The following CYTH1 variants were observed in gnomAD, a reference collection of about 807,000 sequenced individuals.
The protein encoded by CYTH1 is cytohesin 1.
Under a neutral mutation model 61.8 loss-of-function variants are expected in CYTH1, and 18 were observed. That is an observed-to-expected ratio of 0.29 (90% CI 0.20 to 0.43). CYTH1 has a LOEUF of 0.43. CYTH1 is among the 20% of genes least tolerant of loss of function. CYTH1 has a pLI of 1.00. For synonymous variants in CYTH1, 174 were observed against 184.3 expected (o/e 0.94, Z 0.45); for missense variants, 336 against 510.5 (o/e 0.66, Z 3.29).
intron 1 of CYTH1, among the ~76,000 whole-genome samples, chr17:78,771,374 A>C (rs2093470714): frequency 1.3e-5 from 2 of 152,212 alleles, no homozygotes; most frequent in South Asian, 4.1e-4. Context: ...CAGGAGGCAG[A>C]GGTTGCAGTG....
chr17:78,680,855 G>GACT, intron 12 of CYTH1, 116 bp downstream of exon 12: 1 of 988,666 alleles, frequency 1.0e-6, no homozygotes, highest in South Asian at 1.4e-5. Flanking sequence ...TAAAAAATTA[G>GACT]ACTAAATAAA....
At chr17:78,742,940 C>CA (rs1324800695) in intron 1 of CYTH1, among the ~76,000 whole-genome samples, 1 of 152,198 alleles carries the variant, frequency 6.6e-6, no homozygotes, top group African/African-American at 2.4e-5. Flanking sequence ...ATTTAAAACA[C>CA]ACGCCAACTA....
chr17:78,675,787 T>C lies in CYTH1; in HGVS notation c.*304A>G. The C allele has an allele frequency of 8.1e-7, 1 of 1,236,722 alleles. No individual in the cohort carries two copies. Among genetic ancestry groups the C allele is most frequent in the Non-Finnish European group, 1.1e-6 (1 of 919,642 alleles). The allele number at this position is 1,236,722 out of a possible 1,614,324, so 76.6% of individuals were successfully genotyped here. Reference sequence around the variant, plus strand: ...AAGAGGTAAACAGTTGGCTCTGAGCTCTGCTACCAGAACACTGAGCAGAGA... The same window carrying C: ...AAGAGGTAAACAGTTGGCTCTGAGCCCTGCTACCAGAACACTGAGCAGAGA... On this transcript the variant is annotated 3_prime_UTR_variant, in exon 14 of 14. Transcript: ENST00000446868.
intron 13 of CYTH1, chr17:78,676,559 T>A (rs910856748): frequency 7.1e-6 from 2 of 283,576 alleles, no homozygotes; most frequent in African/African-American, 4.5e-5. Flanking sequence ...TCAAGCCGTG[T>A]CACATGCAGT....
intron 1 of CYTH1, among the ~76,000 whole-genome samples, chr17:78,716,311 C>CT (rs2093180199): frequency 6.6e-6 from 1 of 152,136 alleles, no homozygotes; most frequent in Non-Finnish European, 1.5e-5. Context: ...TGAATACTTG[C>CT]TTTAAAATAC....
intron 1 of CYTH1, among the ~76,000 whole-genome samples, chr17:78,718,002 G>C (rs376346032): frequency 1.3e-5 from 2 of 151,974 alleles, no homozygotes; most frequent in Non-Finnish European, 2.9e-5. Flanking sequence ...CCAACAATGC[G>C]GGGAAACATT....
chr17:78,695,702 A>G (rs986805798), intron 10 of CYTH1, among the ~76,000 whole-genome samples: 2 of 152,266 alleles, frequency 1.3e-5, no homozygotes, highest in Non-Finnish European at 2.9e-5. Context: ...GTCTTAGCCA[A>G]TAATTCCAAG....
At chr17:78,729,378 A>G (rs2093281849) in intron 1 of CYTH1, among the ~76,000 whole-genome samples, 1 of 152,216 alleles carries the variant, frequency 6.6e-6, no homozygotes, top group African/African-American at 2.4e-5. Context: ...GAGAAATACA[A>G]ATGGTCACAC....
chr17:78,702,074 G>T, intron 5 of CYTH1, 48 bp downstream of exon 5: 1 of 1,443,166 alleles, frequency 6.9e-7, no homozygotes, highest in Non-Finnish European at 9.7e-7. Context: ...TCTTTGTGTC[G>T]TTCCTGAACA....
In CYTH1 at chr17:78,713,762, C is replaced by T. The variant is rs537782609; in HGVS notation, c.23-4030G>A. Among the ~76,000 whole-genome samples, 202 of 149,146 alleles carry T rather than the reference C, an allele frequency of 1.4e-3. 3 individuals carry two copies. Among genetic ancestry groups the T allele is most frequent in the African/African-American group, 4.9e-3 (194 of 39,590 alleles). On this transcript the variant is annotated intron_variant, in intron 1 of 13. Coordinates refer to ENST00000446868, the MANE Select transcript of CYTH1 (RefSeq NM_004762.6). ...TGAAGCTGATGAAAAACAGAGCAAT[C>T]GTATAAAAGAAATCCCTATCTCAAG...
intron 7 of CYTH1, among the ~76,000 whole-genome samples, chr17:78,699,194 GTC>G (rs1366447313): frequency 6.6e-6 from 1 of 151,952 alleles, no homozygotes; most frequent in Non-Finnish European, 1.5e-5. Flanking sequence ...GTGAAAACCC[GTC>G]TCTACTAAAA....
chr17:78,702,117 C>G lies in CYTH1; in HGVS notation c.356+5G>C. Reference sequence around the variant, plus strand: ...CTAGCATGCGCATAATCCCCAAGGCCTTACCTCTCCCCTAGGTAGTCGCCG... The same window carrying G: ...CTAGCATGCGCATAATCCCCAAGGCGTTACCTCTCCCCTAGGTAGTCGCCG... On this transcript the variant is annotated splice_donor_5th_base_variant and intron_variant, in intron 5 of 13. Transcript: ENST00000446868. 6.2e-7 allele frequency: 1 copy of G among 1,609,424 alleles called. No homozygotes were observed. Among genetic ancestry groups the G allele is most frequent in the Non-Finnish European group, 8.5e-7 (1 of 1,175,774 alleles).
chr17:78,755,592 G>A (rs2093397555), intron 1 of CYTH1, among the ~76,000 whole-genome samples: 1 of 151,582 alleles, frequency 6.6e-6, no homozygotes, highest in Non-Finnish European at 1.5e-5. Context: ...CTCATCTGTA[G>A]TCACAAAAAC....
chr17:78,695,824 C>T (rs976721431), intron 10 of CYTH1, among the ~76,000 whole-genome samples, 183 bp downstream of exon 10: 2 of 152,092 alleles, frequency 1.3e-5, no homozygotes, highest in Non-Finnish European at 2.9e-5. Context: ...AAAAGAAAAA[C>T]GAAAATTGCT....
In CYTH1 at chr17:78,676,521, T is replaced by C. The variant is rs140743074; in HGVS notation, c.1119-352A>G. 522 of 295,040 alleles carry C rather than the reference T, an allele frequency of 1.8e-3. 3 individuals carry two copies. Among genetic ancestry groups the C allele is most frequent in the South Asian group, 4.4e-3 (123 of 27,808 alleles). The allele number at this position is 295,040 out of a possible 1,614,324, so 18.3% of individuals were successfully genotyped here. ...TGAGTTTCCATGATGACATCTGACT[T>C]TGCTTTGCAGCAGCGAGTGCCACGT... On this transcript the variant is annotated intron_variant, in intron 13 of 13. Transcript: ENST00000446868.
intron 1 of CYTH1, chr17:78,727,980 C>T: frequency 3.8e-6 from 1 of 264,114 alleles, no homozygotes. Context: ...CATGAGAGGG[C>T]AGTGAGTCCC....
intron 1 of CYTH1, among the ~76,000 whole-genome samples, chr17:78,770,559 C>T (rs2093467315): frequency 6.6e-6 from 1 of 151,978 alleles, no homozygotes; most frequent in African/African-American, 2.4e-5. Context: ...GCTGGGACTA[C>T]AGGCGTGCGC....
chr17:78,778,727 GAGGATGGTTTTAGACC>G (rs1954089290), intron 1 of CYTH1, among the ~76,000 whole-genome samples: 1 of 151,970 alleles, frequency 6.6e-6, no homozygotes, highest in African/African-American at 2.4e-5. Flanking sequence ...GCCAAGGCGG[GAGGATGGTTTTAGACC>G]AGCCTGCGCA....
At chr17:78,677,059 A>C (rs777091876) in intron 13 of CYTH1, 3 of 455,950 alleles carry the variant, frequency 6.6e-6, no homozygotes, top group South Asian at 4.6e-5. Flanking sequence ...ACCTATTCAC[A>C]AGAGACAGTG....
Sources: gnomAD v4.1 joint callset for allele counts (sites outside exome capture counted in the v4.1 genomes callset) on GRCh38, gnomAD v4.1.1 for gene constraint, MANE v1.5 for transcripts, NCBI Gene and HGNC (gene_info 2026-07-23, HGNC 2026-07-21) for gene names.